The following NAV2 variants were observed in gnomAD, a reference collection of about 807,000 sequenced individuals.
NAV2 encodes neuron navigator 2.
In NAV2, 54 loss-of-function variants were observed where a neutral mutation model predicts 223.2. The ratio of observed to expected loss-of-function variants is 0.24; its 90% CI spans 0.19 to 0.30. The LOEUF is 0.30. Among genes scored for constraint, NAV2 ranks in the 10% least tolerant of loss-of-function variants. The pLI is 1.00. For synonymous variants in NAV2, 1,279 were observed against 1,239.3 expected (o/e 1.03, Z -0.67); for missense variants, 2,806 against 3,147.5 (o/e 0.89, Z 2.60).
chr11:19,373,597 C>T (rs1200131815), intron 1 of NAV2, among the ~76,000 whole-genome samples: 1 of 152,202 alleles, frequency 6.6e-6, no homozygotes, highest in Non-Finnish European at 1.5e-5. Context: ...CCCCATCTTC[C>T]ACTCTGTAGC....
chr11:19,532,826 T>G (rs531916427), intron 1 of NAV2, among the ~76,000 whole-genome samples: 1 of 152,308 alleles, frequency 6.6e-6, no homozygotes, highest in Non-Finnish European at 1.5e-5. Context: ...AAGGGGAAGA[T>G]AGTTTGTCTC....
chr11:20,074,379 T>A lies in NAV2; in HGVS notation c.4984-3173T>A, dbSNP rs186810275. Among the ~76,000 whole-genome samples, 210 of 152,286 alleles carry A rather than the reference T, an allele frequency of 1.4e-3. 4 individuals carry two copies. The highest frequency in any genetic ancestry group is 0.014 in the Admixed American group (208 of 15,298). ...TATGTGGTCAATTTTAGAATAAGTG[T>A]GATGTGGTGCTGAGAAGAACATATT... On this transcript the variant is annotated intron_variant, in intron 22 of 37. Transcript: ENST00000349880.
intron 1 of NAV2, among the ~76,000 whole-genome samples, chr11:19,419,378 T>A (rs190163874): frequency 6.6e-6 from 1 of 152,266 alleles, no homozygotes; most frequent in Admixed American, 6.5e-5. Context: ...TATGGAGGAA[T>A]CTCATGAATA....
At chr11:19,446,076 C>T (rs1851571548) in intron 1 of NAV2, among the ~76,000 whole-genome samples, 1 of 152,098 alleles carries the variant, frequency 6.6e-6, no homozygotes, top group Non-Finnish European at 1.5e-5. Context: ...AAGACTTTTT[C>T]CAGATCTTAG....
At chr11:19,519,424 C>T (rs1467243993) in intron 1 of NAV2, among the ~76,000 whole-genome samples, 1 of 152,226 alleles carries the variant, frequency 6.6e-6, no homozygotes, top group Middle Eastern at 3.2e-3. Context: ...CTTTCATTAT[C>T]ACCATTTTAT....
chr11:19,494,350 T>C (rs2042726323), intron 1 of NAV2, among the ~76,000 whole-genome samples: 1 of 152,196 alleles, frequency 6.6e-6, no homozygotes, highest in South Asian at 2.1e-4. Context: ...CCATAAATTT[T>C]TCTTTCCCCC....
chr11:19,429,338 G>A (rs913290449), intron 1 of NAV2, among the ~76,000 whole-genome samples: 14 of 152,222 alleles, frequency 9.2e-5, no homozygotes, highest in African/African-American at 3.1e-4. Flanking sequence ...TCACTTTTCA[G>A]TTAACCAATC....
At position 20,106,205 on chromosome 11, in the gene NAV2, A is replaced by ATGTG. The variant is rs1324944849; in HGVS notation, c.6841+479_6841+480insGTGT. On this transcript the variant is annotated intron_variant, in intron 35 of 37. Coordinates refer to ENST00000349880, the MANE Select transcript of NAV2 (RefSeq NM_145117.5). ...TGTGTATATATATATATATATATAT[A>ATGTG]TATATATATATATATATATATATAT... is the stretch of plus-strand genomic sequence containing the variant. Among the ~76,000 whole-genome samples the ATGTG allele has an allele frequency of 2.5e-3, 108 of 43,678 alleles. 5 individuals are homozygous for ATGTG. The highest frequency in any genetic ancestry group is 6.0e-3 in the African/African-American group (101 of 16,800). 28.7% of individuals were successfully genotyped at this position (43,678 alleles called of 152,430 possible).
Position 19,501,701 on chromosome 11 carries a change from T to C in NAV2, c.75+150674T>C, listed in dbSNP as rs11827293. The stretch of plus-strand genomic sequence containing the variant: ...TTACTCATTTCTCTTAGTGTAAAGA[T>C]ACTAGATACTGTAGGAGAAATGGAT... On this transcript the variant is annotated intron_variant, in intron 1 of 37. Coordinates refer to the NAV2 transcript ENST00000360655. 7.0e-3 allele frequency among the ~76,000 whole-genome samples: 1,062 copies of C among 151,990 alleles called. 18 individuals are homozygous for C. Among genetic ancestry groups the C allele is most frequent in the African/African-American group, 0.024 (999 of 41,436 alleles).
chr11:20,107,899 A>G, intron 36 of NAV2, 117 bp downstream of exon 36: 1 of 736,302 alleles, frequency 1.4e-6, no homozygotes. Context: ...ACAACCCCTC[A>G]CCTGGGAGTT....
chr11:19,743,299 T>C (rs1017562832), intron 1 of NAV2, among the ~76,000 whole-genome samples: 7 of 152,214 alleles, frequency 4.6e-5, no homozygotes, highest in African/African-American at 1.7e-4. Flanking sequence ...ACTTCTGAAC[T>C]TGGGAGTCAG....
chr11:19,485,999 T>G (rs370166603), intron 1 of NAV2, among the ~76,000 whole-genome samples: 11 of 152,292 alleles, frequency 7.2e-5, no homozygotes, highest in African/African-American at 1.7e-4. Flanking sequence ...CTCCACCTGA[T>G]GCCAGCAGAC....
intron 1 of NAV2, among the ~76,000 whole-genome samples, chr11:19,808,764 AT>A (rs931415661): frequency 3.3e-5 from 5 of 152,078 alleles, no homozygotes; most frequent in African/African-American, 9.7e-5. Context: ...TATGGGGGAT[AT>A]TTTTTTCCCC....
chr11:19,956,392 A>G (rs1385516684), intron 10 of NAV2, among the ~76,000 whole-genome samples: 1 of 138,912 alleles, frequency 7.2e-6, no homozygotes, highest in Non-Finnish European at 1.6e-5. Context: ...ACACACACAC[A>G]CACGCTCTCT....
rs781624430 is a variant in NAV2 at position 20,093,171 on chromosome 11, G to C, written c.5888G>C (p.Ser1963Thr). ...GGCAGGCATGTTAAGATAGTTGTCA[G>C]CTTTCAGGAGGAAATGAAGTGGAAG... ...EGGRHVKIVVSFQEEMKWKED... is the reference protein window; with the variant it reads ...EGGRHVKIVVTFQEEMKWKED... The change falls in exon 29 of 38, where the codon AGC becomes ACC. Residue 1963 changes from serine (S) to threonine (T), a missense_variant. This residue lies in a region of NAV2 where 824 missense variants were observed against 1,069.4 expected (regional missense o/e 0.77). Coordinates refer to ENST00000349880, the MANE Select transcript of NAV2 (RefSeq NM_145117.5). 5.6e-6 allele frequency: 9 copies of C among 1,613,848 alleles called. No homozygotes were observed. Among genetic ancestry groups the C allele is most frequent in the Admixed American group, 3.3e-5 (2 of 59,998 alleles).
intron 1 of NAV2, among the ~76,000 whole-genome samples, chr11:19,385,887 G>A (rs1389198766): frequency 2.0e-5 from 3 of 150,516 alleles, no homozygotes; most frequent in East Asian, 2.0e-4. Flanking sequence ...TCAGCCTCCC[G>A]AGTAGCTGGG....
Position 19,894,317 on chromosome 11 carries a change from G to C in NAV2, c.931+1723G>C, listed in dbSNP as rs1277559494. 2.0e-5 allele frequency among the ~76,000 whole-genome samples: 3 copies of C among 152,156 alleles called. No individual in the cohort carries two copies. The East Asian group carries it at 5.8e-4, about 29-fold the overall frequency. ...ATGCTTGAAGCTTCGCCTGTTGAGG[G>C]CTGGTTGACTGGCACAGGAGGAGAA... is the stretch of plus-strand genomic sequence containing the variant. On this transcript the variant is annotated intron_variant, in intron 6 of 37. Coordinates refer to ENST00000349880, the MANE Select transcript of NAV2 (RefSeq NM_145117.5).
At chr11:19,552,753 C>A (rs989516579) in intron 1 of NAV2, among the ~76,000 whole-genome samples, 1 of 152,160 alleles carries the variant, frequency 6.6e-6, no homozygotes, top group African/African-American at 2.4e-5. Context: ...CATTCATTGG[C>A]CAGCGTGCTG....
At position 20,044,289 on chromosome 11, in the gene NAV2, G is replaced by A. The variant is rs780262195; in HGVS notation, c.3199+17G>A. On this transcript the variant is annotated intron_variant, in intron 13 of 37. Coordinates refer to ENST00000349880, the MANE Select transcript of NAV2 (RefSeq NM_145117.5). ...CAGGAACTGGTAAGAGGCCGGGGCT[G>A]TCTTGGCCCTACAGTTGACATTTTG... The A allele has an allele frequency of 1.3e-6, 2 of 1,593,732 alleles. No homozygotes were observed. Among genetic ancestry groups the A allele is most frequent in the Non-Finnish European group, 8.6e-7 (1 of 1,166,196 alleles).
Sources: gnomAD v4.1 joint callset for allele counts (sites outside exome capture counted in the v4.1 genomes callset) on GRCh38, gnomAD v4.1.1 for gene constraint, gnomAD v4.1.1 regional missense constraint, MANE v1.5 for transcripts, NCBI Gene and HGNC (gene_info 2026-07-23, HGNC 2026-07-21) for gene names.